Variants in ZNF570 observed in about 807,000 individuals in gnomAD.
The protein encoded by ZNF570 is zinc finger protein 570.
ZNF570 carries 8 observed loss-of-function variants against 14.2 expected under a neutral mutation model. The ratio of observed to expected loss-of-function variants is 0.56; its 90% confidence interval spans 0.33 to 1.02. The LOEUF (loss-of-function observed/expected upper bound fraction) is 1.02. Ranked by LOEUF, ZNF570 falls within the 50% of genes least tolerant of loss-of-function variation. The pLI is 0.03. For missense variants in ZNF570, 559 were observed against 624.9 expected (o/e 0.89, Z 1.12); for synonymous variants, 202 against 207.6 (o/e 0.97, Z 0.23).
Position 37,484,439 on chromosome 19 carries a change from C to A in ZNF570, c.817C>A (p.Pro273Thr). The change falls in exon 5 of 5, where the codon CCC (proline) becomes ACC (threonine). Residue 273 changes from proline to threonine, a missense_variant. Physicochemically the swap from Pro to Thr is conservative, Grantham distance 38. Coordinates refer to ENST00000330173, the MANE Select transcript of ZNF570 (RefSeq NM_144694.5). ...TCAGAGGATTCATACTGGAGAAAAACCCTATGAATGTAAGGAATGTAGGAA... is the reference window on the plus strand; with the variant it reads ...TCAGAGGATTCATACTGGAGAAAAAACCTATGAATGTAAGGAATGTAGGAA... Reference protein sequence around the residue: ...QHQRIHTGEKPYECKECRKAF... With the variant: ...QHQRIHTGEKTYECKECRKAF... 1.2e-6 allele frequency: 2 copies of A among 1,614,092 alleles called. No homozygotes were observed. Among genetic ancestry groups the A allele is most frequent in the Non-Finnish European group, 1.7e-6 (2 of 1,180,010 alleles).
chr19:37,483,775 G>A, intron 4 of ZNF570, 104 bp from the exon 5 acceptor site: 1 of 1,227,444 alleles, frequency 8.1e-7, no homozygotes, highest in South Asian at 1.6e-5. Context: ...GTTCCTGTGG[G>A]TTTTGCTATT....
At chr19:37,468,419 C>T (rs940471103), upstream of ZNF570, among the ~76,000 whole-genome samples, 1 of 152,126 alleles carries the variant, frequency 6.6e-6, no homozygotes, top group Non-Finnish European at 1.5e-5. Context: ...GATAATAGGC[C>T]GGACGCGGTG....
chr19:37,469,016 C>T (rs775233159), upstream of ZNF570: 320 of 981,962 alleles, frequency 3.3e-4, 1 homozygote, highest in Admixed American at 6.1e-4. Flanking sequence ...TCTCAACTCC[C>T]CGCCCTGGTT....
intron 2 of ZNF570, among the ~76,000 whole-genome samples, chr19:37,472,506 C>T (rs2041977890): frequency 2.0e-5 from 3 of 151,978 alleles, no homozygotes; most frequent in African/African-American, 7.2e-5. Context: ...CTTTGGAGAC[C>T]GAGGTGGGCG....
At chr19:37,471,126 G>T (rs949623741) in intron 2 of ZNF570, among the ~76,000 whole-genome samples, 5 of 147,860 alleles carry the variant, frequency 3.4e-5, no homozygotes, top group African/African-American at 7.6e-5. Flanking sequence ...CCATTCTCCT[G>T]CCTCAGCCTC....
chr19:37,476,317 C>CT (rs751713682), intron 3 of ZNF570, 22 bp from the exon 4 acceptor site: 12,210 of 1,195,314 alleles, frequency 0.01, no homozygotes, highest in South Asian at 0.02. Flanking sequence ...CAAAACTCTA[C>CT]TTTTTTTTTT....
intron 2 of ZNF570, among the ~76,000 whole-genome samples, chr19:37,470,601 T>G (rs988443591): frequency 4.6e-5 from 7 of 152,168 alleles, no homozygotes; most frequent in Non-Finnish European, 5.9e-5. Flanking sequence ...TCCCTCTGAC[T>G]TCATCTAATT....
chr19:37,476,096 A>AT, intron 3 of ZNF570, 89 bp downstream of exon 3: 1 of 1,509,890 alleles, frequency 6.6e-7, no homozygotes, highest in South Asian at 1.3e-5. Flanking sequence ...TATCTGCAAA[A>AT]TTTGGCTGAA....
rs1337150936 is a variant in ZNF570 at position 37,469,427 on chromosome 19, C to T, written c.-182C>T. On this transcript the variant is annotated 5_prime_UTR_variant, in exon 1 of 5. Transcript: ENST00000330173. Reference sequence around the variant, plus strand: ...AGCGGTGAGACCCGAGTGCAGATTCCCCGAGCCTTCGGGGCAGGAAGGAGA... The same window carrying T: ...AGCGGTGAGACCCGAGTGCAGATTCTCCGAGCCTTCGGGGCAGGAAGGAGA... The T allele has an allele frequency of 8.5e-6, 13 of 1,532,548 alleles. No homozygotes were observed. Among genetic ancestry groups the T allele is most frequent in the Non-Finnish European group, 1.1e-5 (13 of 1,144,524 alleles). 94.9% of individuals were successfully genotyped at this position (1,532,548 alleles called of 1,614,324 possible). A position where few individuals can be genotyped will look rare whatever the true frequency, so the allele number is the denominator to read the frequency against.
upstream of ZNF570, chr19:37,468,017 C>T (rs1208811065): frequency 3.9e-6 from 5 of 1,295,566 alleles, no homozygotes; most frequent in South Asian, 5.1e-5. Context: ...ACAGACTTGG[C>T]CTTACTAGCT....
chr19:37,471,347 A>C (rs564358696), intron 2 of ZNF570, among the ~76,000 whole-genome samples: 2 of 152,214 alleles, frequency 1.3e-5, no homozygotes, highest in South Asian at 4.1e-4. Flanking sequence ...ATGGCCTTGC[A>C]CTTGCTATTC....
At chr19:37,469,653 G>A in intron 1 of ZNF570, 96 bp downstream of exon 1, 1 of 1,288,218 alleles carries the variant, frequency 7.8e-7, no homozygotes, top group Non-Finnish European at 1.1e-6. Context: ...GGAATGTGAG[G>A]CTGTGAGTTG....
Position 37,487,027 on chromosome 19 carries a change from C to G in ZNF570, c.*1794C>G. On this transcript the variant is annotated 3_prime_UTR_variant, in exon 5 of 5. Transcript: ENST00000330173. ...GACCAGCCTGCCTAACATGGTGAAA[C>G]CCCATCTCTACTAAAAATATAACAG... 6.6e-6 allele frequency: 1 copy of G among 151,892 alleles called. No homozygotes were observed. Among genetic ancestry groups the G allele is most frequent in the Non-Finnish European group, 1.5e-5 (1 of 68,014 alleles). The allele number at this position is 151,892 out of a possible 1,614,324, so 9.4% of individuals were successfully genotyped here.
upstream of ZNF570, among the ~76,000 whole-genome samples, chr19:37,468,628 C>T (rs984314744): frequency 1.1e-4 from 17 of 152,210 alleles, no homozygotes; most frequent in African/African-American, 3.9e-4. Flanking sequence ...GCCTCAGCCT[C>T]CTGAGTAGCT....
Position 37,488,101 on chromosome 19 carries a change from G to C in ZNF570, c.*2868G>C, listed in dbSNP as rs2042175136. The C allele has an allele frequency of 6.6e-6, 1 of 152,198 alleles. No homozygotes were observed. The highest frequency in any genetic ancestry group is 2.4e-5 in the African/African-American group (1 of 41,456). The allele number at this position is 152,198 out of a possible 1,614,324, so 9.4% of individuals were successfully genotyped here. A position where few individuals can be genotyped will look rare whatever the true frequency, so the allele number is the denominator to read the frequency against. ...ATAATCTTTGACCCAGCAATTCCATGTTTAAACCTCTACATAGTCTCTCCT... is the reference window on the plus strand; with the variant it reads ...ATAATCTTTGACCCAGCAATTCCATCTTTAAACCTCTACATAGTCTCTCCT... On this transcript the variant is annotated 3_prime_UTR_variant, in exon 5 of 5. Coordinates refer to ENST00000330173, the MANE Select transcript of ZNF570 (RefSeq NM_144694.5).
In ZNF570 at chr19:37,485,820, A is replaced by T; in HGVS notation, c.*587A>T. 6.6e-6 allele frequency: 1 copy of T among 152,218 alleles called. No individual in the cohort carries two copies. The highest frequency in any genetic ancestry group is 2.0e-4 in the East Asian group (1 of 5,100). The allele number at this position is 152,218 out of a possible 1,614,324, so 9.4% of individuals were successfully genotyped here. On this transcript the variant is annotated 3_prime_UTR_variant, in exon 5 of 5. Transcript: ENST00000330173. ...CGCTTTGGGAGGCCAAGGCAGGCAG[A>T]TCACCCAAGGTCAGGAGTTTGAGAC...
Position 37,485,221 on chromosome 19 carries a change from C to T in ZNF570, c.1599C>T (p.His533=). Reference sequence around the variant, plus strand: ...TGTCACCACCCAACCCAGTCAATCACCAAGTCCTATAGATCCTGAGTCCTA... The same window carrying T: ...TGTCACCACCCAACCCAGTCAATCATCAAGTCCTATAGATCCTGAGTCCTA... The part of the protein sequence containing the change: ...ESLSPPNPVN[H]QVL The change falls in exon 5 of 5, where the codon CAC becomes CAT. Residue 533 remains histidine, a synonymous_variant. Coordinates refer to ENST00000330173, the MANE Select transcript of ZNF570 (RefSeq NM_144694.5). The T allele has an allele frequency of 6.5e-7, 1 of 1,548,072 alleles. No individual in the cohort carries two copies. Among genetic ancestry groups the T allele is most frequent in the Non-Finnish European group, 8.7e-7 (1 of 1,151,226 alleles).
At chr19:37,474,898 A>G (rs1387424737) in intron 2 of ZNF570, among the ~76,000 whole-genome samples, 7 of 152,054 alleles carry the variant, frequency 4.6e-5, no homozygotes, top group African/African-American at 1.2e-4. Flanking sequence ...GCAAGTGGTC[A>G]CATTATAGAA....
At chr19:37,482,841 CTT>C (rs1215002305) in intron 4 of ZNF570, among the ~76,000 whole-genome samples, 1 of 148,258 alleles carries the variant, frequency 6.7e-6, no homozygotes, top group African/African-American at 2.5e-5. Flanking sequence ...CTCTCTCTCT[CTT>C]TCTTTCTCTC....
Sources: allele counts gnomAD v4.1 joint callset (sites outside exome capture counted in the v4.1 genomes callset), GRCh38; gene constraint gnomAD v4.1.1; transcripts MANE v1.5; gene names NCBI Gene and HGNC (gene_info 2026-07-23, HGNC 2026-07-21).